NXPE2: variants seen among roughly 807,000 people sequenced by gnomAD.
NXPE2 encodes the protein NXPE family member 2.
In NXPE2, 34 loss-of-function variants were observed where a neutral mutation model predicts 34.4. That is an observed-to-expected ratio of 0.99 (90% CI 0.75 to 1.31). The LOEUF is 1.31. NXPE2 is among the 40% of genes most tolerant of loss of function. NXPE2 has a pLI of 0.00. For synonymous variants in NXPE2, 235 were observed against 231.3 expected, an observed-to-expected ratio of 1.02 and a Z score of -0.15; for missense variants, 649 against 672.5, an observed-to-expected ratio of 0.97 and a Z score of 0.39.
the NXPE2 span, among the ~76,000 whole-genome samples, chr11:114,540,101 G>T: frequency 6.6e-6 from 1 of 152,150 alleles, no homozygotes; most frequent in Non-Finnish European, 1.5e-5. Flanking sequence ...GATTACAGAC[G>T]CCTGCCATCA....
At chr11:114,571,758 GA>G in the NXPE2 span, among the ~76,000 whole-genome samples, 1 of 152,128 alleles carries the variant, frequency 6.6e-6, no homozygotes, top group Non-Finnish European at 1.5e-5. Context: ...TCTGCTCCAA[GA>G]ACTGCCACAG....
chr11:114,601,954 A>T, the NXPE2 span, among the ~76,000 whole-genome samples: 1 of 82,122 alleles, frequency 1.2e-5, no homozygotes, highest in Admixed American at 2.3e-4. Flanking sequence ...AATTATATAT[A>T]ATATTATATA....
the NXPE2 span, among the ~76,000 whole-genome samples, chr11:114,620,519 T>TG: frequency 2.6e-5 from 4 of 151,348 alleles, no homozygotes; most frequent in African/African-American, 9.7e-5. Flanking sequence ...GGGTAACCAC[T>TG]TTAAGGCGGT....
chr11:114,775,457 G>A, the NXPE2 span, among the ~76,000 whole-genome samples: 1 of 152,188 alleles, frequency 6.6e-6, no homozygotes, highest in Non-Finnish European at 1.5e-5. Flanking sequence ...GTGGTAGGAG[G>A]GAGGATCTTG....
the NXPE2 span, among the ~76,000 whole-genome samples, chr11:114,549,821 G>GA: frequency 1.3e-5 from 2 of 151,876 alleles, no homozygotes; most frequent in Non-Finnish European, 2.9e-5. Flanking sequence ...TTATTTATCT[G>GA]AAAAACCCCA....
the NXPE2 span, among the ~76,000 whole-genome samples, chr11:114,493,317 G>T: frequency 6.6e-6 from 1 of 152,026 alleles, no homozygotes; most frequent in African/African-American, 2.4e-5. Context: ...TACATTCAAT[G>T]TTATTATTGA....
At chr11:114,746,312 G>A in the NXPE2 span, among the ~76,000 whole-genome samples, 1 of 152,090 alleles carries the variant, frequency 6.6e-6, no homozygotes, top group South Asian at 2.1e-4. Context: ...TCTGTCAGCT[G>A]AGCCAGGATT....
chr11:114,740,186 T>G, the NXPE2 span, among the ~76,000 whole-genome samples: 1 of 152,214 alleles, frequency 6.6e-6, no homozygotes. Flanking sequence ...ATATGTGGTC[T>G]TTCTCTCTCT....
the NXPE2 span, among the ~76,000 whole-genome samples, chr11:114,613,837 G>A: frequency 1.2e-4 from 18 of 151,580 alleles, no homozygotes; most frequent in Non-Finnish European, 1.6e-4. Context: ...CTGTTACCCT[G>A]TGGATAATAC....
the NXPE2 span, among the ~76,000 whole-genome samples, chr11:114,641,251 G>T: frequency 1.3e-5 from 2 of 151,772 alleles, no homozygotes; most frequent in Admixed American, 6.6e-5. Context: ...ATGGAGGAAA[G>T]AAATAATAAT....
chr11:114,578,503 T>A, the NXPE2 span, among the ~76,000 whole-genome samples: 1 of 152,292 alleles, frequency 6.6e-6, no homozygotes, highest in East Asian at 1.9e-4. Flanking sequence ...AGGAGTTTAG[T>A]CATTTACCAG....
downstream of NXPE2, among the ~76,000 whole-genome samples, chr11:114,711,229 T>A (rs1859606303): frequency 6.6e-6 from 1 of 152,018 alleles, no homozygotes; most frequent in Non-Finnish European, 1.5e-5. Context: ...GTACTGAAAT[T>A]TCCAGCCAGA....
chr11:114,652,378 G>A, the NXPE2 span, among the ~76,000 whole-genome samples: 2 of 152,178 alleles, frequency 1.3e-5, no homozygotes, highest in Non-Finnish European at 2.9e-5. Flanking sequence ...AAACTCCCTA[G>A]ACTGCGATTT....
the NXPE2 span, among the ~76,000 whole-genome samples, chr11:114,754,297 CT>C: frequency 2.1e-4 from 32 of 152,088 alleles, no homozygotes; most frequent in Non-Finnish European, 2.9e-4. Context: ...GGTCCCCATC[CT>C]TTTTTTCCTG....
At chr11:114,752,549 G>A in the NXPE2 span, among the ~76,000 whole-genome samples, 2 of 152,162 alleles carry the variant, frequency 1.3e-5, no homozygotes, top group East Asian at 3.8e-4. Flanking sequence ...AATGATGATA[G>A]CATGGTCCAG....
chr11:114,631,067 CT>C, the NXPE2 span, among the ~76,000 whole-genome samples: 1 of 151,756 alleles, frequency 6.6e-6, no homozygotes, highest in East Asian at 1.9e-4. Context: ...CACTTTTACA[CT>C]GTTGGTGGGA....
chr11:114,599,603 T>C, the NXPE2 span, among the ~76,000 whole-genome samples: 1 of 152,118 alleles, frequency 6.6e-6, no homozygotes, highest in Non-Finnish European at 1.5e-5. Context: ...ACAGGGAGCA[T>C]GGTAGCTTCT....
At chr11:114,767,446 T>C in the NXPE2 span, among the ~76,000 whole-genome samples, 8 of 152,302 alleles carry the variant, frequency 5.3e-5, no homozygotes, top group South Asian at 1.0e-3. Context: ...TGAAGTCCAT[T>C]CTGATCCACA....
At chr11:114,758,091 T>G in the NXPE2 span, among the ~76,000 whole-genome samples, 1 of 152,208 alleles carries the variant, frequency 6.6e-6, no homozygotes, top group Non-Finnish European at 1.5e-5. Flanking sequence ...AAAGAGTGAA[T>G]TCTATGGAGA....
Sources: gnomAD v4.1 joint callset for allele counts (sites outside exome capture counted in the v4.1 genomes callset) on GRCh38, gnomAD v4.1.1 for gene constraint, MANE v1.5 for transcripts, NCBI Gene and HGNC (gene_info 2026-07-23, HGNC 2026-07-21) for gene names.